Variants in CDC14B observed in about 807,000 individuals in gnomAD.
The protein encoded by CDC14B is dual specificity protein phosphatase CDC14B.
A neutral mutation model predicts 64.2 loss-of-function variants in CDC14B; 22 were observed. The ratio of observed to expected loss-of-function variants is 0.34; its 90% CI spans 0.24 to 0.49. The LOEUF (loss-of-function observed/expected upper bound fraction) is 0.49, where lower values mean the gene tolerates loss of function less well. CDC14B is among the 20% of genes least tolerant of loss of function. CDC14B has a pLI of 0.99. For missense variants in CDC14B, 498 were observed against 629.9 expected, an observed-to-expected ratio of 0.79 and a Z score of 2.24; for synonymous variants, 191 against 215.8, an observed-to-expected ratio of 0.89 and a Z score of 1.01.
At chr9:96,499,575 G>A (rs929708550), downstream of CDC14B, among the ~76,000 whole-genome samples, 2 of 152,194 alleles carry the variant, frequency 1.3e-5, no homozygotes, top group African/African-American at 4.8e-5. Flanking sequence ...TGTGTGAGCT[G>A]GTGCTGGGGT....
chr9:96,565,964 C>A (rs1172281923), intron 1 of CDC14B, among the ~76,000 whole-genome samples: 2 of 152,190 alleles, frequency 1.3e-5, no homozygotes, highest in African/African-American at 2.4e-5. Flanking sequence ...AGCTATAGAA[C>A]AAACCATATG....
chr9:96,494,896 G>A (rs887835546), intron 13 of CDC14B, among the ~76,000 whole-genome samples: 1 of 149,926 alleles, frequency 6.7e-6, no homozygotes, highest in African/African-American at 2.5e-5. Context: ...GTGCAGTGGC[G>A]CGATCTCGGC....
At chr9:96,597,501 GAA>G (rs1217556598) in intron 1 of CDC14B, among the ~76,000 whole-genome samples, 5 of 66,794 alleles carry the variant, frequency 7.5e-5, no homozygotes, top group African/African-American at 1.2e-4. Flanking sequence ...TTCCAAAAAA[GAA>G]AAAAAAAAAA....
intron 3 of CDC14B, among the ~76,000 whole-genome samples, chr9:96,563,649 T>C (rs1843523529): frequency 8.4e-6 from 1 of 118,742 alleles, no homozygotes; most frequent in African/African-American, 3.8e-5. Flanking sequence ...AAACTCTGTC[T>C]CACGGGAAAA....
At chr9:96,567,450 G>T (rs189470573) in intron 1 of CDC14B, among the ~76,000 whole-genome samples, 2 of 152,248 alleles carry the variant, frequency 1.3e-5, no homozygotes, top group Non-Finnish European at 2.9e-5. Flanking sequence ...CCGCAGGGCC[G>T]GGTCTTATGG....
At chr9:96,540,211 T>C (rs114710115) in intron 6 of CDC14B, among the ~76,000 whole-genome samples, 2 of 152,350 alleles carry the variant, frequency 1.3e-5, no homozygotes, top group African/African-American at 2.4e-5. Flanking sequence ...GGTGATCTTA[T>C]TGGAAGTGAA....
At chr9:96,519,668 T>A (rs1432515481) in intron 12 of CDC14B, among the ~76,000 whole-genome samples, 6 of 148,828 alleles carry the variant, frequency 4.0e-5, no homozygotes, top group Non-Finnish European at 8.9e-5. Context: ...GAGGCAGAGG[T>A]TGCAGTGAGC....
chr9:96,537,836 C>T, intron 7 of CDC14B, among the ~76,000 whole-genome samples: 1 of 152,046 alleles, frequency 6.6e-6, no homozygotes, highest in East Asian at 1.9e-4. Context: ...GATTCTCCTG[C>T]CTCAGCCTCC....
intron 1 of CDC14B, among the ~76,000 whole-genome samples, chr9:96,594,504 G>T (rs1037729487): frequency 6.6e-6 from 1 of 151,966 alleles, no homozygotes; most frequent in African/African-American, 2.4e-5. Context: ...ATCATTTGAG[G>T]CCAGGAGTTT....
intron 12 of CDC14B, among the ~76,000 whole-genome samples, chr9:96,511,212 A>G (rs529274847): frequency 1.3e-5 from 2 of 152,246 alleles, no homozygotes; most frequent in African/African-American, 4.8e-5. Context: ...AATTTCTACA[A>G]CCTTAGCATG....
chr9:96,554,438 T>C (rs1842235783), intron 4 of CDC14B, among the ~76,000 whole-genome samples: 1 of 152,196 alleles, frequency 6.6e-6, no homozygotes, highest in African/African-American at 2.4e-5. Context: ...ATGGTATTAC[T>C]TTCTCCTAAC....
At chr9:96,530,228 C>T (rs1404612857) in intron 9 of CDC14B, among the ~76,000 whole-genome samples, 1 of 150,822 alleles carries the variant, frequency 6.6e-6, no homozygotes, top group Non-Finnish European at 1.5e-5. Context: ...TACTTCTTTG[C>T]TGAACTCATT....
intron 1 of CDC14B, among the ~76,000 whole-genome samples, chr9:96,606,955 G>A (rs1846986110): frequency 1.3e-5 from 2 of 151,786 alleles, no homozygotes; most frequent in South Asian, 4.2e-4. Flanking sequence ...AGGATCACGA[G>A]CACAGGAAAT....
Position 96,533,133 on chromosome 9 carries a change from A to AT in CDC14B, c.946+793dup, listed in dbSNP as rs540082751. ...AGGTATCCGTCACCACACCCAGCTA[A>AT]TTTTTTTGTATTTTTAGTAGAGACA... On this transcript the variant is annotated intron_variant, in intron 9 of 13. Coordinates refer to ENST00000375241, the MANE Select transcript of CDC14B (RefSeq NM_033331.4). Among the ~76,000 whole-genome samples the AT allele has an allele frequency of 9.9e-5, 15 of 151,926 alleles. No individual in the cohort carries two copies. In the South Asian group the frequency reaches 2.9e-3, roughly 30 times the overall value.
At chr9:96,550,207 C>T (rs1458822128) in intron 5 of CDC14B, among the ~76,000 whole-genome samples, 3 of 152,162 alleles carry the variant, frequency 2.0e-5, no homozygotes, top group African/African-American at 7.2e-5. Flanking sequence ...CTTTATTTCC[C>T]CCTCTTCCCT....
intron 1 of CDC14B, among the ~76,000 whole-genome samples, chr9:96,593,200 A>G (rs572147919): frequency 4.5e-4 from 69 of 152,242 alleles, no homozygotes; most frequent in African/African-American, 1.6e-3. Context: ...TCAAAAAGCC[A>G]TACTATAGCC....
intron 9 of CDC14B, among the ~76,000 whole-genome samples, chr9:96,524,174 A>T (rs2131565208): frequency 6.6e-6 from 1 of 152,302 alleles, no homozygotes; most frequent in Non-Finnish European, 1.5e-5. Flanking sequence ...ACCTCACCTC[A>T]GGTGATCCGC....
Position 96,619,329 on chromosome 9 carries a change from C to G in CDC14B, c.50G>C (p.Cys17Ser). ...RRSSWAAAPP[C>S]SRRCSSTSPG... is the part of the protein sequence containing the mutation. ...CGAGGTCGACGAGCAGCGCCGCGAG[C>G]AGGGGGGCGCGGCGGCCCAGCTCGA... The change falls in exon 1 of 14, where the codon TGC becomes TCC. Residue 17 changes from cysteine (C) to serine (S), a missense_variant. Physicochemically the swap from Cys to Ser is moderately radical, Grantham distance 112 (BLOSUM62 -1). Transcript: ENST00000375241. 1 of 1,283,518 alleles carries G rather than the reference C, an allele frequency of 7.8e-7. No individual in the cohort carries two copies. Among genetic ancestry groups the G allele is most frequent in the Admixed American group, 3.3e-5 (1 of 30,196 alleles). 79.5% of individuals were successfully genotyped at this position (1,283,518 alleles called of 1,614,324 possible).
intron 1 of CDC14B, among the ~76,000 whole-genome samples, chr9:96,569,075 G>GT (rs1443830873): frequency 4.6e-5 from 7 of 152,198 alleles, no homozygotes; most frequent in Non-Finnish European, 7.3e-5. Context: ...CACAAGAAAC[G>GT]TATCAATGCC....
Sources: allele counts gnomAD v4.1 joint callset (sites outside exome capture counted in the v4.1 genomes callset), GRCh38; gene constraint gnomAD v4.1.1; transcripts MANE v1.5; gene names NCBI Gene and HGNC (gene_info 2026-07-23, HGNC 2026-07-21).